Variants in ANKS1B observed in about 807,000 individuals in gnomAD.
ANKS1B encodes ankyrin repeat and sterile alpha motif domain containing 1B.
In ANKS1B, 36 loss-of-function variants were observed where a neutral mutation model predicts 148.3. The observed-to-expected ratio is 0.24, with a 90% CI of 0.19 to 0.32. The LOEUF is 0.32. ANKS1B is among the 10% of genes least tolerant of loss of function. The pLI, the probability that ANKS1B is intolerant of heterozygous loss-of-function variation, is 1.00. For missense variants in ANKS1B, 1,157 were observed against 1,542.6 expected (o/e 0.75, Z 4.19); for synonymous variants, 542 against 560.8 (o/e 0.97, Z 0.47).
intron 16 of ANKS1B, among the ~76,000 whole-genome samples, chr12:99,057,584 T>C (rs902126435): frequency 6.6e-6 from 1 of 152,244 alleles, no homozygotes; most frequent in African/African-American, 2.4e-5. Context: ...TCAAGTCGAT[T>C]GAACTGTTTA....
chr12:99,440,312 C>G (rs751627980), intron 11 of ANKS1B, among the ~76,000 whole-genome samples: 1 of 151,652 alleles, frequency 6.6e-6, no homozygotes, highest in African/African-American at 2.4e-5. Flanking sequence ...AGATGTTTCA[C>G]GAGGAACTAT....
chr12:99,325,260 C>T (rs1344644598), intron 12 of ANKS1B, among the ~76,000 whole-genome samples: 1 of 152,090 alleles, frequency 6.6e-6, no homozygotes, highest in Admixed American at 6.6e-5. Context: ...GAGCCCCTAT[C>T]ACAGCAACAT....
intron 14 of ANKS1B, among the ~76,000 whole-genome samples, chr12:99,237,222 T>C (rs2088166380): frequency 6.6e-6 from 1 of 152,160 alleles, no homozygotes; most frequent in African/African-American, 2.4e-5. Flanking sequence ...TGTGTTCCTG[T>C]GTGTTTGTCA....
intron 9 of ANKS1B, among the ~76,000 whole-genome samples, chr12:99,651,765 G>C (rs907654546): frequency 6.6e-6 from 1 of 151,934 alleles, no homozygotes; most frequent in Non-Finnish European, 1.5e-5. Context: ...CAAAGTTTAA[G>C]AGATAATTTA....
chr12:98,851,896 C>A (rs368598690), intron 17 of ANKS1B, among the ~76,000 whole-genome samples: 1 of 151,664 alleles, frequency 6.6e-6, no homozygotes, highest in African/African-American at 2.4e-5. Flanking sequence ...TGGTGGTGCA[C>A]GCCTGTAGTC....
At chr12:99,465,871 T>G (rs576568907) in intron 10 of ANKS1B, among the ~76,000 whole-genome samples, 220 of 152,214 alleles carry the variant, frequency 1.4e-3, no homozygotes, top group African/African-American at 4.8e-3. Context: ...ACTGTCAACA[T>G]TAGACAGATC....
At chr12:98,785,602 T>C (rs2098785324) in intron 22 of ANKS1B, among the ~76,000 whole-genome samples, 1 of 152,204 alleles carries the variant, frequency 6.6e-6, no homozygotes, top group Admixed American at 6.5e-5. Context: ...GGCATCAAAA[T>C]GTGAGCACGG....
intron 1 of ANKS1B, among the ~76,000 whole-genome samples, chr12:99,858,226 G>A (rs1208094454): frequency 6.6e-6 from 1 of 151,996 alleles, no homozygotes; most frequent in Non-Finnish European, 1.5e-5. Context: ...GTGGGCTAAG[G>A]ACATAAACAG....
chr12:99,011,528 T>A (rs1029496914), intron 17 of ANKS1B, among the ~76,000 whole-genome samples: 1 of 152,234 alleles, frequency 6.6e-6, no homozygotes, highest in African/African-American at 2.4e-5. Context: ...AAACTCTGGC[T>A]ATAAAGAAAA....
chr12:99,234,871 C>T (rs951177698), intron 14 of ANKS1B, among the ~76,000 whole-genome samples: 20 of 152,074 alleles, frequency 1.3e-4, no homozygotes, highest in African/African-American at 4.8e-4. Flanking sequence ...ATTAAACCTA[C>T]CCTTGAGAGG....
intron 15 of ANKS1B, among the ~76,000 whole-genome samples, chr12:99,135,620 G>A (rs1249519165): frequency 2.6e-5 from 4 of 152,112 alleles, no homozygotes; most frequent in Non-Finnish European, 5.9e-5. Context: ...AATTACATCC[G>A]GCCTTGAATG....
At chr12:99,126,720 A>C (rs1358174015) in intron 15 of ANKS1B, among the ~76,000 whole-genome samples, 2 of 152,110 alleles carry the variant, frequency 1.3e-5, no homozygotes, top group Non-Finnish European at 2.9e-5. Flanking sequence ...TTCCAAGAGG[A>C]GTTTTGGAGT....
At chr12:99,448,292 A>G (rs768793062) in intron 10 of ANKS1B, among the ~76,000 whole-genome samples, 2 of 152,122 alleles carry the variant, frequency 1.3e-5, no homozygotes, top group Non-Finnish European at 2.9e-5. Flanking sequence ...GAATTCCGTT[A>G]TCAGTATAGA....
chr12:98,794,116 G>A (rs2098921535), intron 22 of ANKS1B, among the ~76,000 whole-genome samples: 1 of 152,132 alleles, frequency 6.6e-6, no homozygotes, highest in African/African-American at 2.4e-5. Flanking sequence ...TCTTGGCCAG[G>A]CGCGGTGGCT....
At chr12:98,861,117 T>G (rs183470558) in intron 17 of ANKS1B, among the ~76,000 whole-genome samples, 1 of 152,278 alleles carries the variant, frequency 6.6e-6, no homozygotes, top group African/African-American at 2.4e-5. Context: ...GACCCCAAAC[T>G]TCCATACAAG....
chr12:99,398,576 G>A lies in ANKS1B; in HGVS notation c.1756+1055C>T, dbSNP rs146399092. On this transcript the variant is annotated intron_variant, in intron 12 of 26. Coordinates refer to ENST00000683438, the MANE Select transcript of ANKS1B (RefSeq NM_001352186.2). ...ATTCTTGTTATACCCAACTAAAACA[G>A]TTGAGAGGTCAAGGGGAGAAAACAT... 3.3e-5 allele frequency among the ~76,000 whole-genome samples: 5 copies of A among 152,256 alleles called. 1 individual carries two copies. The highest frequency in any genetic ancestry group is 1.2e-4 in the African/African-American group (5 of 41,576).
intron 8 of ANKS1B, among the ~76,000 whole-genome samples, chr12:99,732,026 G>A (rs570793410): frequency 1.3e-5 from 2 of 152,242 alleles, no homozygotes; most frequent in Non-Finnish European, 1.5e-5. Flanking sequence ...CATCAAAGAA[G>A]ATATGAAAAA....
chr12:99,099,076 T>A (rs1599943723), intron 15 of ANKS1B, among the ~76,000 whole-genome samples: 1 of 151,942 alleles, frequency 6.6e-6, no homozygotes, highest in South Asian at 2.1e-4. Context: ...CTGCCCAACC[T>A]CCCTTTCTCT....
At chr12:99,965,378 G>A (rs1294156206) in intron 1 of ANKS1B, among the ~76,000 whole-genome samples, 2 of 152,050 alleles carry the variant, frequency 1.3e-5, no homozygotes, top group Non-Finnish European at 2.9e-5. Context: ...CAAACCATGA[G>A]TCCACACTGA....
Sources: gnomAD v4.1 joint callset for allele counts (sites outside exome capture counted in the v4.1 genomes callset) on GRCh38, gnomAD v4.1.1 for gene constraint, MANE v1.5 for transcripts, NCBI Gene and HGNC (gene_info 2026-07-23, HGNC 2026-07-21) for gene names.